Variants in GRM8 observed in about 807,000 individuals in gnomAD.
GRM8 encodes the protein glutamate metabotropic receptor 8, also known as metabotropic glutamate receptor 8.
Under a neutral mutation model 87.2 loss-of-function variants are expected in GRM8, and 47 were observed. The ratio of observed to expected loss-of-function variants is 0.54; its 90% CI spans 0.43 to 0.69. GRM8 has a LOEUF of 0.69. GRM8 is among the 30% of genes least tolerant of loss of function. The probability of loss-of-function intolerance (pLI) is 0.00; values close to 1 mark genes in which losing one functional copy is unlikely to be tolerated. For synonymous variants in GRM8, 396 were observed against 404.5 expected, an observed-to-expected ratio of 0.98 and a Z score of 0.25; for missense variants, 1,019 against 1,139.2, an observed-to-expected ratio of 0.89 and a Z score of 1.52.
intron 2 of GRM8, among the ~76,000 whole-genome samples, chr7:127,223,594 G>A (rs1252887442): frequency 6.6e-6 from 1 of 151,996 alleles, no homozygotes; most frequent in Non-Finnish European, 1.5e-5. Context: ...TGAGTGTGGA[G>A]GCTGGCCTTT....
At chr7:127,119,533 T>G (rs1826908334) in intron 2 of GRM8, among the ~76,000 whole-genome samples, 1 of 149,966 alleles carries the variant, frequency 6.7e-6, no homozygotes, top group Admixed American at 6.6e-5. Flanking sequence ...CACACACACA[T>G]ACACAAGAAA....
chr7:126,513,122 A>T (rs564480676), intron 9 of GRM8, among the ~76,000 whole-genome samples: 1 of 152,294 alleles, frequency 6.6e-6, no homozygotes, highest in East Asian at 1.9e-4. Flanking sequence ...AGGCTTTTAA[A>T]AATAAGTCTT....
chr7:126,898,314 C>T (rs1801738488), intron 6 of GRM8, among the ~76,000 whole-genome samples: 1 of 152,172 alleles, frequency 6.6e-6, no homozygotes, highest in East Asian at 1.9e-4. Flanking sequence ...ATCATCTTCC[C>T]TTCTCCCCTA....
chr7:127,057,798 C>T (rs1436163237), intron 3 of GRM8, among the ~76,000 whole-genome samples: 4 of 150,318 alleles, frequency 2.7e-5, no homozygotes, highest in Non-Finnish European at 5.9e-5. Flanking sequence ...TTAGCACCAG[C>T]TCATATCCCA....
At position 127,236,638 on chromosome 7, in the gene GRM8, G is replaced by A. The variant is rs377749518; in HGVS notation, c.510+6057C>T. Among the ~76,000 whole-genome samples the A allele has an allele frequency of 9.9e-5, 15 of 152,270 alleles. No homozygotes were observed. The East Asian group carries it at 2.1e-3, about 22-fold the overall frequency. On this transcript the variant is annotated intron_variant, in intron 2 of 10. Transcript: ENST00000339582. ...TCTCCTTTGACCTTTGGGGATTATA[G>A]GGATTACATTTCAAGATGAGATTTG...
chr7:126,728,118 C>T (rs1021272950), intron 7 of GRM8, among the ~76,000 whole-genome samples: 1 of 152,138 alleles, frequency 6.6e-6, no homozygotes. Flanking sequence ...TTAAAGGCAG[C>T]ATGAGTAATC....
chr7:126,947,760 G>T (rs1178659725), intron 3 of GRM8, among the ~76,000 whole-genome samples: 2 of 151,972 alleles, frequency 1.3e-5, no homozygotes, highest in African/African-American at 4.8e-5. Context: ...TCTCTCAGTC[G>T]AAATCACTCA....
chr7:126,768,927 C>CAAAAAAAAAAAAAACA (rs775753477), intron 7 of GRM8, among the ~76,000 whole-genome samples: 1,204 of 98,704 alleles, frequency 0.012, 23 homozygotes, highest in African/African-American at 0.049. Context: ...AGGAAAAATG[C>CAAAAAAAAAAAAAACA]AAAAAAAAAA....
intron 8 of GRM8, among the ~76,000 whole-genome samples, chr7:126,545,476 G>A (rs990888018): frequency 6.6e-6 from 1 of 152,056 alleles, no homozygotes; most frequent in Non-Finnish European, 1.5e-5. Context: ...CAAATTTAGA[G>A]TTTCAAATAA....
At chr7:126,601,322 A>G (rs1363376563) in intron 8 of GRM8, among the ~76,000 whole-genome samples, 2 of 152,194 alleles carry the variant, frequency 1.3e-5, no homozygotes, top group African/African-American at 4.8e-5. Context: ...TTCTTAATCC[A>G]GTCTATCGTT....
chr7:126,933,305 G>A (rs995582508), intron 3 of GRM8, among the ~76,000 whole-genome samples: 1 of 152,340 alleles, frequency 6.6e-6, no homozygotes, highest in South Asian at 2.1e-4. Context: ...GGTGCGAAGA[G>A]CAATGCAGGC....
chr7:126,485,375 G>A (rs932139597), intron 9 of GRM8, among the ~76,000 whole-genome samples: 12 of 151,830 alleles, frequency 7.9e-5, no homozygotes, highest in Middle Eastern at 3.4e-3. Context: ...AAAGGGGGTG[G>A]GGGGCATGAA....
In GRM8 at chr7:126,870,817, A is replaced by G. The variant is rs113124231; in HGVS notation, c.1156+31725T>C. 8.8e-3 allele frequency among the ~76,000 whole-genome samples: 1,347 copies of G among 152,364 alleles called. 22 individuals are homozygous for G. The highest frequency in any genetic ancestry group is 0.03 in the African/African-American group (1,259 of 41,590). Reference sequence around the variant, plus strand: ...TCAAAACACTGAGTGAGCACATGCCATTAGAAAATTGGCACTGATAGACTT... The same window carrying G: ...TCAAAACACTGAGTGAGCACATGCCGTTAGAAAATTGGCACTGATAGACTT... On this transcript the variant is annotated intron_variant, in intron 6 of 10. Coordinates refer to ENST00000339582, the MANE Select transcript of GRM8 (RefSeq NM_000845.3).
intron 6 of GRM8, among the ~76,000 whole-genome samples, chr7:126,821,376 A>G (rs2130169520): frequency 6.6e-6 from 1 of 152,172 alleles, no homozygotes; most frequent in African/African-American, 2.4e-5. Flanking sequence ...GAGCTCTACC[A>G]TTACCGCTGT....
intron 2 of GRM8, among the ~76,000 whole-genome samples, chr7:127,226,286 G>C (rs1192462869): frequency 6.6e-6 from 1 of 152,162 alleles, no homozygotes; most frequent in Non-Finnish European, 1.5e-5. Context: ...GCTGTAGAGG[G>C]CAGAGTCAGG....
At chr7:126,811,449 T>C (rs1196275927) in intron 6 of GRM8, among the ~76,000 whole-genome samples, 1 of 152,002 alleles carries the variant, frequency 6.6e-6, no homozygotes, top group East Asian at 1.9e-4. Context: ...TATATAGTTT[T>C]GGGTAGTATG....
chr7:126,473,044 G>C (rs1048951327), intron 9 of GRM8, among the ~76,000 whole-genome samples: 3 of 152,162 alleles, frequency 2.0e-5, no homozygotes, highest in Non-Finnish European at 4.4e-5. Flanking sequence ...AGCCCTCCTA[G>C]AGAACCTCTG....
chr7:127,182,891 T>TG (rs1563563818), intron 2 of GRM8, among the ~76,000 whole-genome samples: 2 of 149,670 alleles, frequency 1.3e-5, no homozygotes, highest in South Asian at 4.3e-4. Flanking sequence ...TTTGGGGACT[T>TG]GGGGGGAAGA....
At chr7:126,672,400 G>C (rs1806476570) in intron 7 of GRM8, among the ~76,000 whole-genome samples, 1 of 152,040 alleles carries the variant, frequency 6.6e-6, no homozygotes, top group Non-Finnish European at 1.5e-5. Context: ...TTTCTAGATG[G>C]GTAGCCATTT....
Sources: allele counts gnomAD v4.1 joint callset (sites outside exome capture counted in the v4.1 genomes callset), GRCh38; gene constraint gnomAD v4.1.1; transcripts MANE v1.5; gene names NCBI Gene and HGNC (gene_info 2026-07-23, HGNC 2026-07-21).